SVIP: variants seen among roughly 807,000 people sequenced by gnomAD.
SVIP encodes the protein small VCP interacting protein.
SVIP carries 14 observed loss-of-function variants against 12.9 expected under a neutral mutation model. That is an observed-to-expected ratio of 1.08 (90% CI 0.72 to 1.70). The LOEUF is 1.70. SVIP is among the 40% of genes most tolerant of loss of function. SVIP has a pLI of 0.00. For missense variants in SVIP, 93 were observed against 90.8 expected (o/e 1.02, Z -0.10); for synonymous variants, 35 against 33.3 (o/e 1.05, Z -0.17).
At position 22,820,983 on chromosome 11, in the gene SVIP, A is replaced by T. The variant is rs1009128591; in HGVS notation, c.*2136T>A. On this transcript the variant is annotated 3_prime_UTR_variant, in exon 4 of 4. Transcript: ENST00000354193. ...ACTATGGGAAATTGGCTTCCACTTA[A>T]GGTTTTCATAGAAACTGATGGTTAT... 6.6e-6 allele frequency: 1 copy of T among 151,600 alleles called. No homozygotes were observed. The highest frequency in any genetic ancestry group is 1.5e-5 in the Non-Finnish European group (1 of 67,914). The allele number at this position is 151,600 out of a possible 1,614,324, so 9.4% of individuals were successfully genotyped here. A position where few individuals can be genotyped will look rare whatever the true frequency, so the allele number is the denominator to read the frequency against.
At chr11:22,824,901 A>C (rs545396039) in intron 3 of SVIP, among the ~76,000 whole-genome samples, 38 of 152,278 alleles carry the variant, frequency 2.5e-4, no homozygotes, top group Middle Eastern at 3.4e-3. Context: ...CATGCAGCTA[A>C]GGTGGAAAGC....
rs1857491665 is a variant in SVIP at position 22,821,685 on chromosome 11, T to C, written c.*1434A>G. 6.6e-6 allele frequency: 1 copy of C among 152,210 alleles called. No individual in the cohort carries two copies. Among genetic ancestry groups the C allele is most frequent in the Admixed American group, 6.5e-5 (1 of 15,280 alleles). 9.4% of individuals were successfully genotyped at this position (152,210 alleles called of 1,614,324 possible). A position where few individuals can be genotyped will look rare whatever the true frequency, so the allele number is the denominator to read the frequency against. On this transcript the variant is annotated 3_prime_UTR_variant, in exon 4 of 4. Transcript: ENST00000354193. ...TTCATTCTAAAATATAGTTCAATGATTTCACTACCCTTTATGAACAAAAAC... is the reference window on the plus strand; with the variant it reads ...TTCATTCTAAAATATAGTTCAATGACTTCACTACCCTTTATGAACAAAAAC...
chr11:22,828,950 T>G (rs1857835152), intron 1 of SVIP, among the ~76,000 whole-genome samples: 2 of 152,192 alleles, frequency 1.3e-5, no homozygotes, highest in African/African-American at 4.8e-5. Context: ...AAAGTGTACA[T>G]GTATTGTACC....
intron 3 of SVIP, 119 bp from the exon 4 acceptor site, chr11:22,823,252 C>A: frequency 1.5e-6 from 1 of 678,490 alleles, no homozygotes; most frequent in Non-Finnish European, 2.4e-6. Context: ...AATGATTTTT[C>A]TGAATAGCAG....
At chr11:22,823,189 G>T (rs527740426) in intron 3 of SVIP, 56 bp from the exon 4 acceptor site, 3 of 1,283,018 alleles carry the variant, frequency 2.3e-6, no homozygotes, top group Admixed American at 2.1e-5. Context: ...TTATATAACA[G>T]TACTTCAGTG....
Position 22,823,018 on chromosome 11 carries a change from A to C in SVIP, c.*101T>G. 4 of 1,059,140 alleles carry C rather than the reference A, an allele frequency of 3.8e-6. No homozygotes were observed. Among genetic ancestry groups the C allele is most frequent in the Non-Finnish European group, 5.4e-6 (4 of 746,716 alleles). 65.6% of individuals were successfully genotyped at this position (1,059,140 alleles called of 1,614,324 possible). On this transcript the variant is annotated 3_prime_UTR_variant, in exon 4 of 4. Transcript: ENST00000354193. ...AGGGCAATAATATTACAAAGTCTGAATCTTCATTTACTCAAAGAGAAGAAA... is the reference window on the plus strand; with the variant it reads ...AGGGCAATAATATTACAAAGTCTGACTCTTCATTTACTCAAAGAGAAGAAA...
At chr11:22,825,900 A>C (rs1016446035) in intron 3 of SVIP, among the ~76,000 whole-genome samples, 30 of 152,132 alleles carry the variant, frequency 2.0e-4, no homozygotes, top group Non-Finnish European at 3.4e-4. Flanking sequence ...CCAGTCCTAC[A>C]ATTTAACTTT....
At chr11:22,829,362 A>T in intron 1 of SVIP, 1 of 268,342 alleles carries the variant, frequency 3.7e-6, no homozygotes, top group Non-Finnish European at 7.0e-6. Flanking sequence ...CATCTACCAC[A>T]TCCCCCGGAA....
intron 1 of SVIP, among the ~76,000 whole-genome samples, chr11:22,828,655 G>T (rs901629734): frequency 2.0e-5 from 3 of 151,984 alleles, no homozygotes; most frequent in South Asian, 2.1e-4. Context: ...GTATGAGGAT[G>T]GGGGGGAGGG....
chr11:22,829,082 T>G (rs1011218927), intron 1 of SVIP, among the ~76,000 whole-genome samples: 1 of 152,196 alleles, frequency 6.6e-6, no homozygotes, highest in Non-Finnish European at 1.5e-5. Context: ...ATATCTGAAA[T>G]TCGAATGTAA....
chr11:22,829,366 C>T, intron 1 of SVIP: 1 of 275,134 alleles, frequency 3.6e-6, no homozygotes. Flanking sequence ...TACCACATCC[C>T]CCGGAATGTC....
rs780582606 is a variant in SVIP, at chr11:22,829,708, G to A, written c.41C>T (p.Pro14Leu). The change falls in exon 1 of 4, where the codon CCC becomes CTC. Residue 14 changes from proline to leucine, a missense_variant. Physicochemically the swap from Pro to Leu is moderately conservative, Grantham distance 98. Transcript: ENST00000354193. ...CFPCPGESAPPTPDLEEKRAK... is the reference protein window; with the variant it reads ...CFPCPGESAPLTPDLEEKRAK... The stretch of plus-strand genomic sequence containing the variant: ...TGCTCTACTCACCAGGTCCGGCGTG[G>A]GAGGCGCGGACTCCCCGGGACAAGG... 2 of 1,605,368 alleles carry A rather than the reference G, an allele frequency of 1.2e-6. No individual in the cohort carries two copies. The highest frequency in any genetic ancestry group is 1.7e-6 in the Non-Finnish European group (2 of 1,176,930).
chr11:22,823,307 T>C (rs1857548320), intron 3 of SVIP, among the ~76,000 whole-genome samples, 174 bp from the exon 4 acceptor site: 3 of 152,154 alleles, frequency 2.0e-5, no homozygotes, highest in Admixed American at 6.5e-5. Flanking sequence ...TGAAATAAGA[T>C]GATAGTTTAA....
chr11:22,826,970 A>T (rs1268296242), intron 3 of SVIP, among the ~76,000 whole-genome samples: 1 of 152,138 alleles, frequency 6.6e-6, no homozygotes, highest in African/African-American at 2.4e-5. Flanking sequence ...TAAGAGTATT[A>T]AAATATATAT....
Position 22,822,568 on chromosome 11 carries a change from A to T in SVIP, c.*551T>A, listed in dbSNP as rs1857523590. On this transcript the variant is annotated 3_prime_UTR_variant, in exon 4 of 4. Coordinates refer to ENST00000354193, the MANE Select transcript of SVIP (RefSeq NM_148893.3). ...AAAAATAAATTGGAAAAAATTTTAC[A>T]TCTGCCTAAGAATACTCATTACTAA... 6.6e-6 allele frequency: 1 copy of T among 152,194 alleles called. No homozygotes were observed. Among genetic ancestry groups the T allele is most frequent in the Non-Finnish European group, 1.5e-5 (1 of 68,006 alleles). The allele number at this position is 152,194 out of a possible 1,614,324, so 9.4% of individuals were successfully genotyped here. A position where few individuals can be genotyped will look rare whatever the true frequency, so the allele number is the denominator to read the frequency against.
rs997072525 is a variant in SVIP at position 22,827,067 on chromosome 11, C to T, written c.219+140G>A. 5.9e-5 allele frequency: 37 copies of T among 630,528 alleles called. 2 individuals carry two copies. In the Middle Eastern group the frequency reaches 4.4e-3, roughly 74 times the overall value. The allele number at this position is 630,528 out of a possible 1,614,324, so 39.1% of individuals were successfully genotyped here. ...ATGTTAAAATAAATTGGTATTACTT[C>T]CAATATTTACTACTCATGCTTTTAA... On this transcript the variant is annotated intron_variant, in intron 3 of 3. Coordinates refer to ENST00000354193, the MANE Select transcript of SVIP (RefSeq NM_148893.3).
intron 1 of SVIP, among the ~76,000 whole-genome samples, chr11:22,828,373 TTATA>T (rs1857803658): frequency 6.6e-6 from 1 of 152,194 alleles, no homozygotes; most frequent in South Asian, 2.1e-4. Flanking sequence ...GTACTACTTA[TTATA>T]AAGCCCTTTT....
At position 22,827,907 on chromosome 11, in the gene SVIP, A is replaced by G. The variant is rs772510964; in HGVS notation, c.55-33T>C. The G allele has an allele frequency of 1.1e-5, 16 of 1,406,478 alleles. No individual in the cohort carries two copies. In the South Asian group the frequency reaches 2.0e-4, roughly 17 times the overall value. The allele number at this position is 1,406,478 out of a possible 1,614,324, so 87.1% of individuals were successfully genotyped here. A position where few individuals can be genotyped will look rare whatever the true frequency, so the allele number is the denominator to read the frequency against. ...AATGTGTAAAAATATGTATTAAAATAACAAACATTATTATTAATAAATTAT... is the reference window on the plus strand; with the variant it reads ...AATGTGTAAAAATATGTATTAAAATGACAAACATTATTATTAATAAATTAT... On this transcript the variant is annotated intron_variant, in intron 1 of 3. Transcript: ENST00000354193.
At chr11:22,828,741 A>C (rs1323530794) in intron 1 of SVIP, among the ~76,000 whole-genome samples, 1 of 152,128 alleles carries the variant, frequency 6.6e-6, no homozygotes, top group African/African-American at 2.4e-5. Flanking sequence ...CAACAGCAGC[A>C]ACAAAGAGAA....
Sources: gnomAD v4.1 joint callset for allele counts (sites outside exome capture counted in the v4.1 genomes callset) on GRCh38, gnomAD v4.1.1 for gene constraint, MANE v1.5 for transcripts, NCBI Gene and HGNC (gene_info 2026-07-23, HGNC 2026-07-21) for gene names.